The following KLHL6 variants were observed in gnomAD, a reference collection of about 807,000 sequenced individuals.
KLHL6 encodes the protein kelch-like protein 6.
In KLHL6, 41 loss-of-function variants were observed where a neutral mutation model predicts 58.6. The ratio of observed to expected loss-of-function variants is 0.70; its 90% CI spans 0.55 to 0.91. KLHL6 has a LOEUF of 0.91. KLHL6 is among the 40% of genes least tolerant of loss of function. KLHL6 has a pLI of 0.00. For missense variants in KLHL6, 714 were observed against 805.6 expected, an observed-to-expected ratio of 0.89 and a Z score of 1.38; for synonymous variants, 338 against 322.7, an observed-to-expected ratio of 1.05 and a Z score of -0.51.
chr3:183,550,458 T>G (rs926224761), intron 1 of KLHL6, among the ~76,000 whole-genome samples: 3 of 151,848 alleles, frequency 2.0e-5, no homozygotes, highest in Non-Finnish European at 4.4e-5. Context: ...CACACACCCC[T>G]CCAAGGCACA....
At position 183,555,698 on chromosome 3, in the gene KLHL6, G is replaced by A. The variant is rs762149937; in HGVS notation, c.-45C>T. The A allele has an allele frequency of 3.3e-6, 5 of 1,527,190 alleles. No homozygotes were observed. The highest frequency in any genetic ancestry group is 4.4e-6 in the Non-Finnish European group (5 of 1,142,582). 94.6% of individuals were successfully genotyped at this position (1,527,190 alleles called of 1,614,324 possible). A position where few individuals can be genotyped will look rare whatever the true frequency, so the allele number is the denominator to read the frequency against. On this transcript the variant is annotated 5_prime_UTR_variant, in exon 1 of 7. Coordinates refer to ENST00000341319, the MANE Select transcript of KLHL6 (RefSeq NM_130446.4). Reference sequence around the variant, plus strand: ...AAGTGTCAGGCAGGCCCCATTGCAGGAGCTGAGCGGATTTCCTGTGCAGGG... The same window carrying A: ...AAGTGTCAGGCAGGCCCCATTGCAGAAGCTGAGCGGATTTCCTGTGCAGGG...
chr3:183,523,663 C>A (rs1711846156), intron 2 of KLHL6, among the ~76,000 whole-genome samples: 1 of 151,414 alleles, frequency 6.6e-6, no homozygotes, highest in Non-Finnish European at 1.5e-5. Flanking sequence ...ATCCCTTACT[C>A]TTTCATGAGT....
intron 2 of KLHL6, among the ~76,000 whole-genome samples, chr3:183,518,992 G>A (rs1329365036): frequency 3.9e-5 from 6 of 152,170 alleles, no homozygotes; most frequent in Admixed American, 6.5e-5. Context: ...GATGCTAAAC[G>A]TCCCTTATAG....
At chr3:183,552,849 G>A (rs376322522) in intron 1 of KLHL6, among the ~76,000 whole-genome samples, 19 of 151,710 alleles carry the variant, frequency 1.3e-4, no homozygotes, top group African/African-American at 4.1e-4. Flanking sequence ...CAGATTTAAC[G>A]TCAGTCCTAG....
At chr3:183,542,855 CATGG>C (rs10581731) in intron 1 of KLHL6, among the ~76,000 whole-genome samples, 68,655 of 142,922 alleles carry the variant, frequency 0.48, 15,967 homozygotes, top group African/African-American at 0.53. Flanking sequence ...TGGATGGATA[CATGG>C]ATGGATGGAT....
intron 2 of KLHL6, chr3:183,522,656 C>T (rs1711807583): frequency 6.6e-6 from 1 of 152,156 alleles, no homozygotes; most frequent in Non-Finnish European, 1.5e-5. Context: ...CATCAGGCAC[C>T]TATAAAATGA....
intron 1 of KLHL6, among the ~76,000 whole-genome samples, chr3:183,548,402 T>A (rs896202577): frequency 5.3e-5 from 8 of 152,172 alleles, no homozygotes; most frequent in Admixed American, 2.0e-4. Flanking sequence ...CCTTCATGCA[T>A]AGAAAAGCTT....
chr3:183,518,288 C>T (rs971682581), intron 2 of KLHL6, among the ~76,000 whole-genome samples: 7 of 152,158 alleles, frequency 4.6e-5, no homozygotes, highest in Non-Finnish European at 1.0e-4. Context: ...GTGCTAAGAA[C>T]ATAAAACTCA....
intron 1 of KLHL6, among the ~76,000 whole-genome samples, chr3:183,536,859 T>C (rs1372568276): frequency 6.6e-6 from 1 of 152,172 alleles, no homozygotes; most frequent in Non-Finnish European, 1.5e-5. Context: ...CTGTCGACCA[T>C]GCATCCAGAG....
At chr3:183,519,895 CAAAA>C (rs56101517) in intron 2 of KLHL6, among the ~76,000 whole-genome samples, 10 of 83,256 alleles carry the variant, frequency 1.2e-4, no homozygotes, top group Admixed American at 4.2e-4. Context: ...AACCCTGTCT[CAAAA>C]AAAAAAAAAA....
At chr3:183,528,155 C>A in intron 1 of KLHL6, 145 bp from the exon 2 acceptor site, 1 of 811,792 alleles carries the variant, frequency 1.2e-6, no homozygotes, top group African/African-American at 1.7e-5. Context: ...TGTTCTCCAG[C>A]ACCCCCTACG....
At chr3:183,510,940 C>G (rs1273577813) in intron 2 of KLHL6, among the ~76,000 whole-genome samples, 1 of 151,416 alleles carries the variant, frequency 6.6e-6, no homozygotes, top group Non-Finnish European at 1.5e-5. Context: ...GGGCCAGCCC[C>G]TCTACACCTG....
intron 3 of KLHL6, among the ~76,000 whole-genome samples, chr3:183,505,059 A>C (rs1560094731): frequency 6.6e-6 from 1 of 152,214 alleles, no homozygotes; most frequent in Admixed American, 6.5e-5. Flanking sequence ...ATGGCTGTGT[A>C]GTATTCCATG....
intron 1 of KLHL6, among the ~76,000 whole-genome samples, chr3:183,552,560 T>C (rs1316021942): frequency 6.6e-6 from 1 of 151,128 alleles, no homozygotes; most frequent in East Asian, 1.9e-4. Flanking sequence ...CTACTAAAAA[T>C]ACAAAAAATT....
chr3:183,536,731 G>A (rs899935949), intron 1 of KLHL6, among the ~76,000 whole-genome samples: 1 of 152,162 alleles, frequency 6.6e-6, no homozygotes, highest in Admixed American at 6.5e-5. Flanking sequence ...ATCTTGGAAG[G>A]TTGGTAGGAG....
intron 1 of KLHL6, among the ~76,000 whole-genome samples, chr3:183,548,300 G>A (rs1712794678): frequency 6.6e-6 from 1 of 152,232 alleles, no homozygotes; most frequent in African/African-American, 2.4e-5. Context: ...CAGCCCTGCT[G>A]TGATTCCCAG....
chr3:183,512,354 T>C (rs144749414), intron 2 of KLHL6, among the ~76,000 whole-genome samples: 5 of 152,356 alleles, frequency 3.3e-5, no homozygotes, highest in African/African-American at 1.2e-4. Context: ...TTGGTGATAA[T>C]GAAACAATTA....
At chr3:183,552,968 GT>G (rs1407251239) in intron 1 of KLHL6, among the ~76,000 whole-genome samples, 36 of 152,128 alleles carry the variant, frequency 2.4e-4, no homozygotes, top group Non-Finnish European at 5.1e-4. Flanking sequence ...TGTTGTGAGG[GT>G]GGAGTGGACT....
intron 1 of KLHL6, among the ~76,000 whole-genome samples, chr3:183,532,605 T>C (rs1224796768): frequency 2.0e-5 from 3 of 152,170 alleles, no homozygotes; most frequent in Non-Finnish European, 4.4e-5. Flanking sequence ...GTGAAGATTA[T>C]GGATAGGATT....
Sources: gnomAD v4.1 joint callset for allele counts (sites outside exome capture counted in the v4.1 genomes callset) on GRCh38, gnomAD v4.1.1 for gene constraint, MANE v1.5 for transcripts, NCBI Gene and HGNC (gene_info 2026-07-23, HGNC 2026-07-21) for gene names.